The following FBXO4 variants were observed in gnomAD, a reference collection of about 807,000 sequenced individuals.
FBXO4 encodes the protein F-box protein 4.
In FBXO4, 36 loss-of-function variants were observed where a neutral mutation model predicts 43.7. That is an observed-to-expected ratio of 0.82 (90% confidence interval 0.63 to 1.09). The LOEUF (loss-of-function observed/expected upper bound fraction) is 1.09. Ranked by LOEUF, FBXO4 falls within the 50% of genes least tolerant of loss-of-function variation. The pLI is 0.00. For missense variants in FBXO4, 435 were observed against 474.1 expected, an observed-to-expected ratio of 0.92 and a Z score of 0.77; for synonymous variants, 180 against 165.6, an observed-to-expected ratio of 1.09 and a Z score of -0.67.
the FBXO4 span, among the ~76,000 whole-genome samples, chr5:42,024,995 A>G: frequency 6.6e-6 from 1 of 152,070 alleles, no homozygotes; most frequent in Non-Finnish European, 1.5e-5. Context: ...TATTGTGAAC[A>G]GTGCCGCAAC....
the FBXO4 span, chr5:41,967,552 C>T: frequency 2.6e-5 from 27 of 1,022,540 alleles, 1 homozygote; most frequent in South Asian, 3.1e-4. Flanking sequence ...CATCTGTGTG[C>T]AGTGACATTG....
chr5:42,029,090 T>C, the FBXO4 span, among the ~76,000 whole-genome samples: 1 of 152,016 alleles, frequency 6.6e-6, no homozygotes, highest in East Asian at 1.9e-4. Context: ...TTCTTTCTTA[T>C]TGAAGTACTC....
At chr5:41,990,764 A>T in the FBXO4 span, among the ~76,000 whole-genome samples, 1 of 152,204 alleles carries the variant, frequency 6.6e-6, no homozygotes, top group Non-Finnish European at 1.5e-5. Flanking sequence ...AAATAAAAAA[A>T]TGTATTAATG....
At chr5:41,934,947 T>TACA in intron 5 of FBXO4, 3 of 939,306 alleles carry the variant, frequency 3.2e-6, no homozygotes, top group Non-Finnish European at 3.8e-6. Flanking sequence ...ATATATTGTA[T>TACA]ATATATTATA....
At chr5:42,030,342 A>C in the FBXO4 span, among the ~76,000 whole-genome samples, 1 of 152,194 alleles carries the variant, frequency 6.6e-6, no homozygotes, top group Non-Finnish European at 1.5e-5. Context: ...ACCTGACAAA[A>C]ACAAGAAATG....
At position 41,927,177 on chromosome 5, in the gene FBXO4, T is replaced by G. The variant is rs747550189; in HGVS notation, c.354T>G (p.Leu118=). 1.2e-6 allele frequency: 2 copies of G among 1,613,908 alleles called. No individual in the cohort carries two copies. The highest frequency in any genetic ancestry group is 3.3e-5 in the Admixed American group (2 of 59,974). ...PSWSSVDWKS[L]PDLEILKKPI... ...GGTCTTCTGTTGACTGGAAGTCTCT[T>G]CCAGATCTAGAAATCTTAAAAAAGC... Residue 118 remains leucine, a synonymous_variant, in exon 2 of 7, where the codon CTT becomes CTG. Transcript: ENST00000281623.
chr5:41,929,842 A>C lies in FBXO4; in HGVS notation c.571A>C (p.Thr191Pro). 1 of 1,614,116 alleles carries C rather than the reference A, an allele frequency of 6.2e-7. No homozygotes were observed. Among genetic ancestry groups the C allele is most frequent in the Middle Eastern group, 1.6e-4 (1 of 6,062 alleles). ...TGGACCAGGTTTGGAAGAATTGAAT[A>C]CCTCTTTGGTGTTGAGCTTGATGTC... ...MFGPGLEELN[T>P]SLVLSLMSSE... is the part of the protein sequence containing the mutation. The change falls in exon 3 of 7, where the codon ACC becomes CCC. Residue 191 changes from threonine (T) to proline (P), a missense_variant. Transcript: ENST00000281623.
the FBXO4 span, among the ~76,000 whole-genome samples, chr5:41,985,577 T>C: frequency 6.6e-6 from 1 of 152,144 alleles, no homozygotes; most frequent in African/African-American, 2.4e-5. Flanking sequence ...AGGAAGAATA[T>C]AGGCTTAGTG....
chr5:42,003,938 C>T, the FBXO4 span, among the ~76,000 whole-genome samples: 20 of 151,994 alleles, frequency 1.3e-4, no homozygotes, highest in African/African-American at 4.3e-4. Flanking sequence ...ATATTTATTG[C>T]GGCAATATTC....
At chr5:42,028,859 C>CT in the FBXO4 span, among the ~76,000 whole-genome samples, 5 of 151,504 alleles carry the variant, frequency 3.3e-5, no homozygotes, top group South Asian at 2.1e-4. Context: ...CGCTTTTTAC[C>CT]TTTTTTTGTT....
chr5:41,982,069 G>T, the FBXO4 span, among the ~76,000 whole-genome samples: 1 of 152,076 alleles, frequency 6.6e-6, no homozygotes, highest in Admixed American at 6.5e-5. Context: ...TCCCTACAAA[G>T]GACATGAGCT....
At chr5:42,031,910 C>T in the FBXO4 span, among the ~76,000 whole-genome samples, 2 of 152,032 alleles carry the variant, frequency 1.3e-5, no homozygotes, top group Admixed American at 6.6e-5. Context: ...AGTTCAGTAA[C>T]ACTGTGGTTC....
the FBXO4 span, among the ~76,000 whole-genome samples, chr5:42,004,091 T>G: frequency 6.6e-6 from 1 of 152,176 alleles, no homozygotes; most frequent in African/African-American, 2.4e-5. Context: ...TGGATGAAGC[T>G]GAAAACCATC....
Position 41,938,811 on chromosome 5 carries a change from G to C in FBXO4, c.899-630G>C, listed in dbSNP as rs372190362. 2.4e-4 allele frequency among the ~76,000 whole-genome samples: 37 copies of C among 152,324 alleles called. 1 individual carries two copies. The highest frequency in any genetic ancestry group is 8.7e-4 in the African/African-American group (36 of 41,560). The stretch of plus-strand genomic sequence containing the variant: ...TCTTGCTAGCTGTCAGCTGGGGGCT[G>C]TTATCAGCTTCTAGAGGTCACCTAT... On this transcript the variant is annotated intron_variant, in intron 5 of 6. Transcript: ENST00000281623.
At chr5:41,962,623 C>A in the FBXO4 span, among the ~76,000 whole-genome samples, 124 of 152,276 alleles carry the variant, frequency 8.1e-4, no homozygotes, top group African/African-American at 2.8e-3. Flanking sequence ...TGTGTCAGTG[C>A]GGCAAGTCTC....
the FBXO4 span, among the ~76,000 whole-genome samples, chr5:42,025,733 G>A: frequency 6.6e-6 from 1 of 151,818 alleles, no homozygotes; most frequent in East Asian, 1.9e-4. Flanking sequence ...GAGAGAGAGA[G>A]GAGTCTAGTT....
the FBXO4 span, among the ~76,000 whole-genome samples, chr5:42,027,107 G>A: frequency 5.9e-5 from 9 of 151,984 alleles, no homozygotes; most frequent in African/African-American, 1.9e-4. Flanking sequence ...TTTTGGAACA[G>A]ATTGAGTAGG....
chr5:41,941,977 A>G (rs573030750), downstream of FBXO4, among the ~76,000 whole-genome samples: 2 of 152,250 alleles, frequency 1.3e-5, no homozygotes, highest in Admixed American at 1.3e-4. Flanking sequence ...ACTTCCTTCC[A>G]CAAATGGCTT....
the FBXO4 span, among the ~76,000 whole-genome samples, chr5:42,039,706 T>C: frequency 3.0e-3 from 452 of 152,222 alleles, 6 homozygotes; most frequent in African/African-American, 0.01. Flanking sequence ...GGGATAGTAC[T>C]TCCGTGATAA....
Sources: gnomAD v4.1 joint callset for allele counts (sites outside exome capture counted in the v4.1 genomes callset) on GRCh38, gnomAD v4.1.1 for gene constraint, MANE v1.5 for transcripts, NCBI Gene and HGNC (gene_info 2026-07-23, HGNC 2026-07-21) for gene names.